The following GPC5 variants were observed in gnomAD, a reference collection of about 807,000 sequenced individuals.
The protein encoded by GPC5 is glypican 5.
Under a neutral mutation model 53.9 loss-of-function variants are expected in GPC5, and 47 were observed. That is an observed-to-expected ratio of 0.87 (90% CI 0.69 to 1.11). The LOEUF (loss-of-function observed/expected upper bound fraction) is 1.11. Ranked by LOEUF, GPC5 falls within the 50% of genes most tolerant of loss-of-function variation. GPC5 has a pLI of 0.00. For synonymous variants in GPC5, 286 were observed against 263.3 expected (o/e 1.09, Z -0.84); for missense variants, 748 against 713.1 (o/e 1.05, Z -0.56).
chr13:92,635,394 C>T (rs1885378661), intron 7 of GPC5, among the ~76,000 whole-genome samples: 1 of 152,092 alleles, frequency 6.6e-6, no homozygotes, highest in Admixed American at 6.6e-5. Flanking sequence ...GAGCATGGCA[C>T]CAGCATGTAG....
chr13:91,769,950 G>T (rs1360394030), intron 5 of GPC5, among the ~76,000 whole-genome samples: 1 of 152,062 alleles, frequency 6.6e-6, no homozygotes, highest in East Asian at 1.9e-4. Context: ...CATGTTAAGG[G>T]CTTAGTCCCA....
chr13:91,551,394 T>C (rs896479022), intron 2 of GPC5, among the ~76,000 whole-genome samples: 4 of 152,134 alleles, frequency 2.6e-5, no homozygotes, highest in African/African-American at 9.7e-5. Context: ...CTGTTTACTG[T>C]TTTCCCAAGT....
At chr13:91,745,328 C>T (rs916586720) in intron 4 of GPC5, among the ~76,000 whole-genome samples, 3 of 151,956 alleles carry the variant, frequency 2.0e-5, no homozygotes, top group South Asian at 2.1e-4. Flanking sequence ...AGGCATCTAT[C>T]CTAATTGCAT....
chr13:92,297,803 C>G (rs2043047763), intron 7 of GPC5, among the ~76,000 whole-genome samples: 1 of 152,052 alleles, frequency 6.6e-6, no homozygotes, highest in African/African-American at 2.4e-5. Flanking sequence ...CCCTTCCACA[C>G]TGTGGAAGCT....
intron 7 of GPC5, among the ~76,000 whole-genome samples, chr13:92,502,479 T>A (rs545516962): frequency 3.3e-5 from 5 of 151,914 alleles, no homozygotes; most frequent in South Asian, 2.1e-4. Context: ...CTACAAAAAA[T>A]TCGCTTCAGA....
intron 2 of GPC5, among the ~76,000 whole-genome samples, chr13:91,519,523 G>T (rs1322499527): frequency 6.6e-6 from 1 of 152,032 alleles, no homozygotes; most frequent in Non-Finnish European, 1.5e-5. Flanking sequence ...TCCCCACTTC[G>T]CTCTCTGTCT....
chr13:92,706,081 T>A (rs1887940885), intron 7 of GPC5: 1 of 151,946 alleles, frequency 6.6e-6, no homozygotes, highest in Admixed American at 6.6e-5. Flanking sequence ...AAAGAAAGAC[T>A]CTGTTGAGGT....
At chr13:92,757,738 T>C (rs1043888359) in intron 7 of GPC5, among the ~76,000 whole-genome samples, 3 of 152,146 alleles carry the variant, frequency 2.0e-5, no homozygotes, top group Non-Finnish European at 2.9e-5. Flanking sequence ...AAAATGCTCA[T>C]CATCACTGGC....
At chr13:91,417,409 C>G (rs1878314029) in intron 1 of GPC5, among the ~76,000 whole-genome samples, 1 of 152,132 alleles carries the variant, frequency 6.6e-6, no homozygotes, top group South Asian at 2.1e-4. Flanking sequence ...ACAGTAGCCC[C>G]TGCTGTCAGC....
chr13:91,418,626 C>T (rs1007347303), intron 1 of GPC5, among the ~76,000 whole-genome samples: 4 of 152,160 alleles, frequency 2.6e-5, no homozygotes, highest in Non-Finnish European at 1.5e-5. Flanking sequence ...GGTGAGGCAG[C>T]AGTCACAGGC....
chr13:92,604,907 G>A (rs534860235), intron 7 of GPC5, among the ~76,000 whole-genome samples: 69 of 152,302 alleles, frequency 4.5e-4, no homozygotes, highest in African/African-American at 1.6e-3. Flanking sequence ...ATAGCAAGGA[G>A]TGCATTTTGT....
At chr13:91,980,842 A>C (rs1034467606) in intron 6 of GPC5, among the ~76,000 whole-genome samples, 1 of 152,158 alleles carries the variant, frequency 6.6e-6, no homozygotes, top group Admixed American at 6.5e-5. Context: ...GTAAGTGGGA[A>C]CGTAGAGTGT....
chr13:91,522,583 T>C (rs1265847111), intron 2 of GPC5, among the ~76,000 whole-genome samples: 1 of 152,208 alleles, frequency 6.6e-6, no homozygotes, highest in Non-Finnish European at 1.5e-5. Context: ...GTTTGTCACA[T>C]AGGTATACAT....
chr13:91,968,211 A>G (rs1489842331), intron 6 of GPC5, among the ~76,000 whole-genome samples: 2 of 152,236 alleles, frequency 1.3e-5, no homozygotes, highest in Non-Finnish European at 2.9e-5. Context: ...TTCCAAAAGC[A>G]AAATTATATT....
rs151179436 is a variant in GPC5, at chr13:92,793,294, A to G, written c.1562-72988A>G. ...CTGCTCCTGAATGACTACTGGGTAC[A>G]TAACGAAATGAAGGCAGAAAAAAAG... On this transcript the variant is annotated intron_variant, in intron 7 of 7. Coordinates refer to ENST00000377067, the MANE Select transcript of GPC5 (RefSeq NM_004466.6). Among the ~76,000 whole-genome samples, 647 of 152,306 alleles carry G rather than the reference A, an allele frequency of 4.2e-3. 5 individuals carry two copies. Among genetic ancestry groups the G allele is most frequent in the African/African-American group, 0.014 (602 of 41,578 alleles).
chr13:92,236,039 T>C (rs1157401723), intron 7 of GPC5, among the ~76,000 whole-genome samples: 2 of 152,126 alleles, frequency 1.3e-5, no homozygotes, highest in African/African-American at 4.8e-5. Flanking sequence ...ATAAGAGAAG[T>C]CTGATCCTTG....
chr13:92,574,671 T>C (rs1302573376), intron 7 of GPC5, among the ~76,000 whole-genome samples: 1 of 152,198 alleles, frequency 6.6e-6, no homozygotes, highest in Non-Finnish European at 1.5e-5. Flanking sequence ...AGCAGGTCTT[T>C]CTTCTGAGTG....
chr13:91,753,726 C>T lies in GPC5; in HGVS notation c.1155-2569C>T, dbSNP rs542967005. On this transcript the variant is annotated intron_variant, in intron 4 of 7. Coordinates refer to ENST00000377067, the MANE Select transcript of GPC5 (RefSeq NM_004466.6). ...ATAATTCATTCCCATAAGCACAGTC[C>T]CCTCTAGTGAAACTGCATACTACCC... 2.0e-5 allele frequency among the ~76,000 whole-genome samples: 3 copies of T among 152,196 alleles called. No homozygotes were observed. The South Asian group carries it at 6.2e-4, about 32-fold the overall frequency.
intron 4 of GPC5, among the ~76,000 whole-genome samples, chr13:91,741,932 C>T (rs568780892): frequency 2.0e-5 from 3 of 152,074 alleles, no homozygotes; most frequent in Non-Finnish European, 4.4e-5. Context: ...GTTAGTGCGT[C>T]TTTGAGGTGC....
Sources: gnomAD v4.1 joint callset for allele counts (sites outside exome capture counted in the v4.1 genomes callset) on GRCh38, gnomAD v4.1.1 for gene constraint, MANE v1.5 for transcripts, NCBI Gene and HGNC (gene_info 2026-07-23, HGNC 2026-07-21) for gene names.